AGBL4: variants seen among roughly 807,000 people sequenced by gnomAD.
AGBL4 encodes the protein cytosolic carboxypeptidase 6.
Under a neutral mutation model 66.4 loss-of-function variants are expected in AGBL4, and 58 were observed. The observed-to-expected ratio is 0.87, with a 90% CI of 0.71 to 1.09. The LOEUF is 1.09. AGBL4 is among the 50% of genes least tolerant of loss of function. AGBL4 has a pLI of 0.00. For missense variants in AGBL4, 579 were observed against 631.0 expected, an observed-to-expected ratio of 0.92 and a Z score of 0.88; for synonymous variants, 234 against 222.9, an observed-to-expected ratio of 1.05 and a Z score of -0.44.
intron 4 of AGBL4, among the ~76,000 whole-genome samples, chr1:49,062,916 G>A (rs1019317331): frequency 3.9e-5 from 6 of 152,076 alleles, no homozygotes; most frequent in Non-Finnish European, 7.4e-5. Context: ...TAAAAATTAC[G>A]TGAAAAGCTT....
At chr1:49,468,253 T>A (rs555626801) in intron 3 of AGBL4, among the ~76,000 whole-genome samples, 1 of 151,756 alleles carries the variant, frequency 6.6e-6, no homozygotes, top group Non-Finnish European at 1.5e-5. Flanking sequence ...TGGAATGTCT[T>A]TGGATTATTT....
At chr1:48,689,661 G>GT in intron 6 of AGBL4, among the ~76,000 whole-genome samples, 1 of 152,294 alleles carries the variant, frequency 6.6e-6, no homozygotes, top group South Asian at 2.1e-4. Context: ...ATGTTAGAAA[G>GT]TTTTTTCATT....
intron 5 of AGBL4, among the ~76,000 whole-genome samples, chr1:49,036,358 G>A (rs1233294020): frequency 2.0e-5 from 3 of 152,072 alleles, no homozygotes; most frequent in African/African-American, 7.2e-5. Context: ...TAGATTCCCT[G>A]TGTAGTTTTA....
At chr1:48,879,534 T>G (rs1649559663) in intron 5 of AGBL4, among the ~76,000 whole-genome samples, 1 of 151,600 alleles carries the variant, frequency 6.6e-6, no homozygotes, top group Admixed American at 6.6e-5. Flanking sequence ...TTCCCTTGCC[T>G]AACTTTCCTA....
intron 3 of AGBL4, among the ~76,000 whole-genome samples, chr1:49,694,138 T>C (rs932672107): frequency 6.6e-6 from 1 of 152,158 alleles, no homozygotes; most frequent in Non-Finnish European, 1.5e-5. Flanking sequence ...CAATGACTAA[T>C]ACATACATGT....
intron 3 of AGBL4, among the ~76,000 whole-genome samples, chr1:49,689,348 T>C (rs1248539406): frequency 6.6e-6 from 1 of 152,212 alleles, no homozygotes; most frequent in African/African-American, 2.4e-5. Context: ...CCAATGTATA[T>C]TCTTGGCACT....
chr1:48,837,709 C>CTATATATATATATATATAT (rs1310220715), intron 6 of AGBL4, among the ~76,000 whole-genome samples: 1 of 75,064 alleles, frequency 1.3e-5, no homozygotes, highest in African/African-American at 5.3e-5. Context: ...CACACACACA[C>CTATATATATATATATATAT]ACTATATATA....
At chr1:48,535,660 A>C (rs1250878288) in intron 12 of AGBL4, among the ~76,000 whole-genome samples, 1 of 152,154 alleles carries the variant, frequency 6.6e-6, no homozygotes, top group Non-Finnish European at 1.5e-5. Flanking sequence ...TCTATTCCCC[A>C]ATACAGAATA....
intron 1 of AGBL4, among the ~76,000 whole-genome samples, chr1:50,022,932 C>G (rs1222207615): frequency 1.3e-5 from 2 of 152,270 alleles, no homozygotes; most frequent in Non-Finnish European, 2.9e-5. Context: ...CAGTATCTCA[C>G]AAATCCCAGC....
Position 49,283,548 on chromosome 1 carries a change from G to C in AGBL4, c.283-37684C>G, listed in dbSNP as rs540795131. Reference sequence around the variant, plus strand: ...GACTTTGACGAGCTGAGAGAGGAAGGCTTCAGACGATCAAATTACTCTGAG... The same window carrying C: ...GACTTTGACGAGCTGAGAGAGGAAGCCTTCAGACGATCAAATTACTCTGAG... On this transcript the variant is annotated intron_variant, in intron 3 of 13. Transcript: ENST00000371839. Among the ~76,000 whole-genome samples, 7 of 152,342 alleles carry C rather than the reference G, an allele frequency of 4.6e-5. 1 individual carries two copies. In the East Asian group the frequency reaches 1.4e-3, roughly 29 times the overall value.
intron 1 of AGBL4, among the ~76,000 whole-genome samples, chr1:49,921,115 A>G (rs527413320): frequency 6.6e-6 from 1 of 152,322 alleles, no homozygotes; most frequent in South Asian, 2.1e-4. Context: ...GGGGAGGGAC[A>G]GCATTAGGAG....
At chr1:49,169,908 A>C (rs1416184823) in intron 4 of AGBL4, among the ~76,000 whole-genome samples, 1 of 152,098 alleles carries the variant, frequency 6.6e-6, no homozygotes, top group African/African-American at 2.4e-5. Flanking sequence ...TATTTTTCTC[A>C]CTTATAAGTG....
chr1:48,850,074 C>A (rs1399294780), intron 6 of AGBL4, among the ~76,000 whole-genome samples: 1 of 152,240 alleles, frequency 6.6e-6, no homozygotes, highest in Non-Finnish European at 1.5e-5. Context: ...CTCCCAGCAG[C>A]CCCTGTCTGG....
At chr1:49,321,260 G>A (rs1645128143) in intron 3 of AGBL4, among the ~76,000 whole-genome samples, 1 of 152,004 alleles carries the variant, frequency 6.6e-6, no homozygotes, top group Non-Finnish European at 1.5e-5. Context: ...TTACACCCTA[G>A]AAAAGTTTCT....
At chr1:49,211,797 A>C (rs1181710249) in intron 4 of AGBL4, among the ~76,000 whole-genome samples, 1 of 152,072 alleles carries the variant, frequency 6.6e-6, no homozygotes, top group Non-Finnish European at 1.5e-5. Context: ...ATAATAACAT[A>C]TTTATTTAGC....
chr1:49,845,287 C>G, intron 2 of AGBL4: 2 of 1,558,372 alleles, frequency 1.3e-6, no homozygotes, highest in Non-Finnish European at 1.8e-6. Context: ...AATTGCCCCA[C>G]TGATCCAGCA....
intron 6 of AGBL4, chr1:48,727,933 A>T: frequency 6.2e-7 from 1 of 1,611,710 alleles, no homozygotes; most frequent in Non-Finnish European, 8.5e-7. Flanking sequence ...TTTTTACAGG[A>T]TTTATTGATA....
At chr1:48,591,236 CACT>C (rs1198777654) in intron 9 of AGBL4, among the ~76,000 whole-genome samples, 7 of 152,102 alleles carry the variant, frequency 4.6e-5, no homozygotes, top group African/African-American at 7.2e-5. Flanking sequence ...GGTCTGAAAG[CACT>C]ACTATTAGCA....
intron 5 of AGBL4, among the ~76,000 whole-genome samples, chr1:48,990,894 CT>C (rs1660551803): frequency 6.6e-6 from 1 of 152,060 alleles, no homozygotes; most frequent in South Asian, 2.1e-4. Flanking sequence ...TCATCTCCCA[CT>C]TTTTTGTTTC....
Sources: allele counts gnomAD v4.1 joint callset (sites outside exome capture counted in the v4.1 genomes callset), GRCh38; gene constraint gnomAD v4.1.1; transcripts MANE v1.5; gene names NCBI Gene and HGNC (gene_info 2026-07-23, HGNC 2026-07-21).